Variants in DEK observed in about 807,000 individuals in gnomAD.
DEK encodes DEK proto-oncogene.
DEK carries 28 observed loss-of-function variants against 46.8 expected under a neutral mutation model. The observed-to-expected ratio is 0.60, with a 90% CI of 0.44 to 0.82. The LOEUF (loss-of-function observed/expected upper bound fraction) is 0.82, where lower values mean the gene tolerates loss of function less well. Among genes scored for constraint, DEK ranks in the 40% least tolerant of loss-of-function variants. The pLI, the probability that DEK is intolerant of heterozygous loss-of-function variation, is 0.00. For synonymous variants in DEK, 160 were observed against 144.5 expected, an observed-to-expected ratio of 1.11 and a Z score of -0.77; for missense variants, 416 against 430.6, an observed-to-expected ratio of 0.97 and a Z score of 0.30.
At position 18,249,855 on chromosome 6, in the gene DEK, TAA is replaced by T; in HGVS notation, c.574-18_574-17del. The T allele has an allele frequency of 6.3e-7, 1 of 1,587,204 alleles. No individual in the cohort carries two copies. Among genetic ancestry groups the T allele is most frequent in the Non-Finnish European group, 8.5e-7 (1 of 1,172,084 alleles). Reference sequence around the variant, plus strand: ...TCGGCAATGGCTGCATAAAAATTTATAAAGATAACACCAATGAGGTATAATAT... The same window carrying T: ...TCGGCAATGGCTGCATAAAAATTTATAGATAACACCAATGAGGTATAATAT... On this transcript the variant is annotated splice_polypyrimidine_tract_variant and intron_variant, in intron 6 of 10. Coordinates refer to ENST00000652689, the MANE Select transcript of DEK (RefSeq NM_003472.4).
At chr6:18,243,401 C>A (rs779888810) in intron 7 of DEK, among the ~76,000 whole-genome samples, 1 of 151,762 alleles carries the variant, frequency 6.6e-6, no homozygotes, top group Non-Finnish European at 1.5e-5. Flanking sequence ...GAATAATGAA[C>A]CTACCACCAA....
At chr6:18,247,043 T>C (rs944605169) in intron 7 of DEK, among the ~76,000 whole-genome samples, 1 of 152,192 alleles carries the variant, frequency 6.6e-6, no homozygotes, top group African/African-American at 2.4e-5. Context: ...GGTCCTTCCA[T>C]AGTAATGACC....
At chr6:18,228,057 C>T (rs1048567320) in intron 9 of DEK, among the ~76,000 whole-genome samples, 20 of 152,132 alleles carry the variant, frequency 1.3e-4, no homozygotes, top group Non-Finnish European at 2.9e-5. Context: ...CAGGTCCTGA[C>T]TCTATAAGCT....
intron 7 of DEK, among the ~76,000 whole-genome samples, chr6:18,243,151 A>G (rs1414889697): frequency 1.3e-5 from 2 of 152,166 alleles, no homozygotes; most frequent in Non-Finnish European, 2.9e-5. Context: ...TATATTTATT[A>G]TAACCTCAAA....
At position 18,263,928 on chromosome 6, in the gene DEK, C is replaced by G. The variant is rs1175892930; in HGVS notation, c.60G>C (p.Glu20Asp). ...TGGGACCGGGCATTTCGGGTTCTTT[C>G]TCGGACGCGGGCTGGGTGGGGGTTC... ...GEGTPTQPAS[E>D]KEPEMPGPRE... Residue 20 changes from glutamate (E) to aspartate (D), a missense_variant, in exon 2 of 11, where the codon GAG becomes GAC. Coordinates refer to ENST00000652689, the MANE Select transcript of DEK (RefSeq NM_003472.4). 6.2e-7 allele frequency: 1 copy of G among 1,612,658 alleles called. No individual in the cohort carries two copies. The highest frequency in any genetic ancestry group is 1.3e-5 in the African/African-American group (1 of 74,858).
chr6:18,227,643 C>T (rs377051330), intron 9 of DEK, among the ~76,000 whole-genome samples: 1 of 152,274 alleles, frequency 6.6e-6, no homozygotes, highest in African/African-American at 2.4e-5. Flanking sequence ...CTAAGTCTCT[C>T]GTTTCACCTA....
In DEK at chr6:18,225,389, TAAGC is replaced by T. The variant is rs565071968; in HGVS notation, c.*326_*329del. ...GTTCTACTTGATTAAAAGTATGCCT[TAAGC>T]AAGCTAATATTAAGTGCACTAAAAA... On this transcript the variant is annotated 3_prime_UTR_variant, in exon 11 of 11. Coordinates refer to ENST00000652689, the MANE Select transcript of DEK (RefSeq NM_003472.4). The T allele has an allele frequency of 4.5e-5, 13 of 291,034 alleles. No homozygotes were observed. The East Asian group carries it at 5.6e-4, about 12-fold the overall frequency. The allele number at this position is 291,034 out of a possible 1,614,324, so 18.0% of individuals were successfully genotyped here.
intron 9 of DEK, among the ~76,000 whole-genome samples, chr6:18,228,735 C>A (rs556199235): frequency 1.1e-3 from 173 of 152,376 alleles, no homozygotes; most frequent in African/African-American, 1.7e-3. Flanking sequence ...TATCCCGCGC[C>A]TGGCTCGGAG....
chr6:18,242,562 G>A (rs547054729), intron 7 of DEK, among the ~76,000 whole-genome samples: 19 of 152,206 alleles, frequency 1.2e-4, no homozygotes, highest in African/African-American at 3.9e-4. Context: ...ACTCCTGCCC[G>A]GGATGTGAAT....
At chr6:18,230,844 C>A (rs1468028892) in intron 9 of DEK, among the ~76,000 whole-genome samples, 1 of 152,162 alleles carries the variant, frequency 6.6e-6, no homozygotes, top group Non-Finnish European at 1.5e-5. Context: ...CAAGGATACC[C>A]AGGAATTGAA....
At chr6:18,247,378 T>C (rs1254636905) in intron 7 of DEK, among the ~76,000 whole-genome samples, 1 of 152,166 alleles carries the variant, frequency 6.6e-6, no homozygotes, top group Non-Finnish European at 1.5e-5. Flanking sequence ...TAATAAAATA[T>C]GATATAGCTT....
chr6:18,236,997 T>C (rs1300724172), intron 8 of DEK: 3 of 189,012 alleles, frequency 1.6e-5, no homozygotes, highest in Non-Finnish European at 3.2e-5. Context: ...GGGGCCAAGA[T>C]AGGAGACTCG....
At position 18,224,159 on chromosome 6, in the gene DEK, T is replaced by A; in HGVS notation, c.*1560A>T. 5.8e-6 allele frequency: 1 copy of A among 172,394 alleles called. No homozygotes were observed. Among genetic ancestry groups the A allele is most frequent in the East Asian group, 1.0e-4 (1 of 9,846 alleles). 10.7% of individuals were successfully genotyped at this position (172,394 alleles called of 1,614,324 possible). On this transcript the variant is annotated 3_prime_UTR_variant, in exon 11 of 11. Coordinates refer to ENST00000652689, the MANE Select transcript of DEK (RefSeq NM_003472.4). The stretch of plus-strand genomic sequence containing the variant: ...CTATATACACCTATAAGATATCAAA[T>A]GCAAGTGACTTAAAACACCAGTGAT...
rs528315221 is a variant in DEK, at chr6:18,225,948, T to G, written c.1117-218A>C. 2.0e-5 allele frequency: 14 copies of G among 686,398 alleles called. No individual in the cohort carries two copies. In the South Asian group the frequency reaches 2.6e-4, roughly 13 times the overall value. 42.5% of individuals were successfully genotyped at this position (686,398 alleles called of 1,614,324 possible). On this transcript the variant is annotated intron_variant, in intron 10 of 10. Transcript: ENST00000652689. Reference sequence around the variant, plus strand: ...GATGCCCAGCTACCCAGGTACACCATGAGGCCACATCATAATCTGAGTTCA... The same window carrying G: ...GATGCCCAGCTACCCAGGTACACCAGGAGGCCACATCATAATCTGAGTTCA...
Position 18,249,850 on chromosome 6 carries a change from A to ATT in DEK, c.574-13_574-12dup. 1 of 1,587,294 alleles carries ATT rather than the reference A, an allele frequency of 6.3e-7. No homozygotes were observed. Among genetic ancestry groups the ATT allele is most frequent in the Non-Finnish European group, 8.5e-7 (1 of 1,172,326 alleles). ...AGATTTCGGCAATGGCTGCATAAAA[A>ATT]TTTATAAAGATAACACCAATGAGGT... On this transcript the variant is annotated splice_polypyrimidine_tract_variant and intron_variant, in intron 6 of 10. Transcript: ENST00000652689.
At chr6:18,247,151 C>A (rs1791155075) in intron 7 of DEK, among the ~76,000 whole-genome samples, 1 of 152,174 alleles carries the variant, frequency 6.6e-6, no homozygotes, top group African/African-American at 2.4e-5. Flanking sequence ...CACAGATACA[C>A]TGTTCCTCCT....
At chr6:18,227,702 G>T (rs1296911081) in intron 9 of DEK, among the ~76,000 whole-genome samples, 1 of 152,124 alleles carries the variant, frequency 6.6e-6, no homozygotes, top group East Asian at 1.9e-4. Context: ...CTTCAACAGA[G>T]CAAGACCCTG....
chr6:18,250,828 T>C (rs1038347745), intron 6 of DEK, among the ~76,000 whole-genome samples: 4 of 152,134 alleles, frequency 2.6e-5, no homozygotes, highest in African/African-American at 7.2e-5. Flanking sequence ...TTACCAATTA[T>C]ACATCCTGAA....
chr6:18,255,590 C>T, intron 6 of DEK, 141 bp downstream of exon 6: 2 of 981,244 alleles, frequency 2.0e-6, no homozygotes, highest in Non-Finnish European at 2.9e-6. Flanking sequence ...GAAATTACTG[C>T]AGATACGTCA....
Sources: gnomAD v4.1 joint callset for allele counts (sites outside exome capture counted in the v4.1 genomes callset) on GRCh38, gnomAD v4.1.1 for gene constraint, MANE v1.5 for transcripts, NCBI Gene and HGNC (gene_info 2026-07-23, HGNC 2026-07-21) for gene names.